VPS13B: variants seen among roughly 807,000 people sequenced by gnomAD.
VPS13B encodes the protein intermembrane lipid transfer protein VPS13B.
A neutral mutation model predicts 426.4 loss-of-function variants in VPS13B; 285 were observed. The observed-to-expected ratio is 0.67, with a 90% CI of 0.61 to 0.74. The LOEUF (loss-of-function observed/expected upper bound fraction) is 0.74, where lower values mean the gene tolerates loss of function less well. Ranked by LOEUF, VPS13B falls within the 30% of genes least tolerant of loss-of-function variation. VPS13B has a pLI of 0.00. For missense variants in VPS13B, 4,537 were observed against 4,782.6 expected, an observed-to-expected ratio of 0.95 and a Z score of 1.51; for synonymous variants, 1,676 against 1,676.4, an observed-to-expected ratio of 1.00 and a Z score of 0.01.
intron 23 of VPS13B, among the ~76,000 whole-genome samples, chr8:99,452,770 G>T (rs1045419274): frequency 3.3e-5 from 5 of 152,138 alleles, no homozygotes; most frequent in Non-Finnish European, 7.4e-5. Context: ...TCAAAATGAG[G>T]AACTGTTTGC....
chr8:99,095,381 T>C (rs980776289), intron 3 of VPS13B, among the ~76,000 whole-genome samples: 4 of 152,196 alleles, frequency 2.6e-5, no homozygotes, highest in Non-Finnish European at 5.9e-5. Context: ...ACTGTTTTGC[T>C]TTTGCTTATG....
intron 24 of VPS13B, among the ~76,000 whole-genome samples, chr8:99,477,226 A>C (rs975925607): frequency 2.0e-5 from 3 of 152,180 alleles, no homozygotes; most frequent in Non-Finnish European, 4.4e-5. Flanking sequence ...AAGGAGTATC[A>C]TGGACCCCTA....
intron 19 of VPS13B, among the ~76,000 whole-genome samples, chr8:99,327,939 G>A (rs900534326): frequency 6.6e-6 from 1 of 152,158 alleles, no homozygotes; most frequent in African/African-American, 2.4e-5. Context: ...TATCAGTCAA[G>A]GTTTAATTAG....
At chr8:99,194,096 A>G (rs554116636) in intron 17 of VPS13B, among the ~76,000 whole-genome samples, 1 of 152,282 alleles carries the variant, frequency 6.6e-6, no homozygotes, top group Admixed American at 6.5e-5. Flanking sequence ...TCAGTGCCCA[A>G]AGAGTTTTGA....
intron 17 of VPS13B, among the ~76,000 whole-genome samples, chr8:99,236,267 A>G (rs1449113841): frequency 6.7e-6 from 1 of 148,244 alleles, no homozygotes; most frequent in African/African-American, 2.5e-5. Flanking sequence ...TTTTTTTTTT[A>G]AAGACAGAAT....
chr8:99,740,388 GA>G (rs1809643805), intron 39 of VPS13B, among the ~76,000 whole-genome samples: 3 of 152,306 alleles, frequency 2.0e-5, no homozygotes, highest in Non-Finnish European at 4.4e-5. Flanking sequence ...AACCAAGTTG[GA>G]AAACACCCTG....
intron 3 of VPS13B, among the ~76,000 whole-genome samples, chr8:99,078,678 G>A (rs2132357798): frequency 6.6e-6 from 1 of 152,250 alleles, no homozygotes; most frequent in Admixed American, 6.5e-5. Flanking sequence ...GGTAGAAGTG[G>A]TATGGTGAGT....
At chr8:99,534,581 G>C (rs903158079) in intron 30 of VPS13B, among the ~76,000 whole-genome samples, 1 of 151,962 alleles carries the variant, frequency 6.6e-6, no homozygotes, top group Non-Finnish European at 1.5e-5. Context: ...TTTCATTGAG[G>C]CACTAACATT....
intron 35 of VPS13B, among the ~76,000 whole-genome samples, chr8:99,691,998 C>G (rs569442521): frequency 1.3e-4 from 19 of 151,950 alleles, no homozygotes; most frequent in Admixed American, 2.0e-4. Context: ...GCTAACTACC[C>G]TAAATATATA....
intron 33 of VPS13B, among the ~76,000 whole-genome samples, chr8:99,582,276 G>A (rs1826101854): frequency 6.6e-6 from 1 of 152,134 alleles, no homozygotes; most frequent in South Asian, 2.1e-4. Context: ...ACCAAATTTT[G>A]CTAATGAAAT....
chr8:99,248,849 T>C (rs1817357502), intron 17 of VPS13B, among the ~76,000 whole-genome samples: 1 of 149,632 alleles, frequency 6.7e-6, no homozygotes, highest in African/African-American at 2.4e-5. Flanking sequence ...TCTCCCTCCC[T>C]TGAGCTTCTC....
intron 31 of VPS13B, among the ~76,000 whole-genome samples, chr8:99,569,462 A>G (rs1292662133): frequency 1.3e-5 from 2 of 151,542 alleles, no homozygotes; most frequent in Non-Finnish European, 2.9e-5. Context: ...AAAAAAAAAG[A>G]AAAAAGAATT....
At chr8:99,500,340 A>T (rs1821160408) in intron 25 of VPS13B, among the ~76,000 whole-genome samples, 1 of 152,140 alleles carries the variant, frequency 6.6e-6, no homozygotes, top group Admixed American at 6.5e-5. Context: ...AGATGAGAAA[A>T]TGAGAATTCT....
intron 42 of VPS13B, among the ~76,000 whole-genome samples, chr8:99,782,474 C>T (rs1812069095): frequency 6.6e-6 from 1 of 151,828 alleles, no homozygotes; most frequent in South Asian, 2.1e-4. Flanking sequence ...ATAGGAGAAC[C>T]TACCTTGACC....
intron 19 of VPS13B, among the ~76,000 whole-genome samples, chr8:99,322,205 T>A (rs1810019239): frequency 6.6e-6 from 1 of 152,174 alleles, no homozygotes; most frequent in Admixed American, 6.5e-5. Context: ...TACTAATAGT[T>A]TAGAGCAAAA....
At chr8:99,174,045 C>T (rs1055483018) in intron 16 of VPS13B, among the ~76,000 whole-genome samples, 18 of 152,140 alleles carry the variant, frequency 1.2e-4, no homozygotes, top group African/African-American at 4.3e-4. Context: ...TTCTAGGTAC[C>T]TCACTGAAAT....
rs1831878419 is a variant in VPS13B, at chr8:99,694,824, C to T, written c.6047-4701C>T. On this transcript the variant is annotated intron_variant, in intron 35 of 61. Transcript: ENST00000357162. ...CTGACAAAGGGCTAATATCCAGAAT[C>T]TACAATGAATTCAAACAAATTTACA... Among the ~76,000 whole-genome samples the T allele has an allele frequency of 4.6e-5, 7 of 152,314 alleles. No homozygotes were observed. The South Asian group carries it at 1.4e-3, about 32-fold the overall frequency.
In VPS13B at chr8:99,044,901, A is replaced by G. The variant is rs1048267398; in HGVS notation, c.291+6335A>G. 2.4e-4 allele frequency among the ~76,000 whole-genome samples: 24 copies of G among 99,466 alleles called. 1 individual carries two copies. Among genetic ancestry groups the G allele is most frequent in the African/African-American group, 8.6e-4 (22 of 25,514 alleles). The allele number at this position is 99,466 out of a possible 152,430, so 65.3% of individuals were successfully genotyped here. A position where few individuals can be genotyped will look rare whatever the true frequency, so the allele number is the denominator to read the frequency against. On this transcript the variant is annotated intron_variant, in intron 3 of 61. Coordinates refer to ENST00000357162, the MANE Select transcript of VPS13B (RefSeq NM_152564.5). ...ACACACACACACACACACACACACC[A>G]CCCCCCGCCCCCACGGTTTCTTTAT...
chr8:99,320,190 T>G, intron 19 of VPS13B, among the ~76,000 whole-genome samples: 1 of 152,206 alleles, frequency 6.6e-6, no homozygotes, highest in East Asian at 1.9e-4. Flanking sequence ...ATGGTTTGCT[T>G]TACATTTGAA....
Sources: gnomAD v4.1 joint callset for allele counts (sites outside exome capture counted in the v4.1 genomes callset) on GRCh38, gnomAD v4.1.1 for gene constraint, MANE v1.5 for transcripts, NCBI Gene and HGNC (gene_info 2026-07-23, HGNC 2026-07-21) for gene names.